The following PTPN4 variants were observed in gnomAD, a reference collection of about 807,000 sequenced individuals.
The protein encoded by PTPN4 is tyrosine-protein phosphatase non-receptor type 4.
Under a neutral mutation model 135.5 loss-of-function variants are expected in PTPN4, and 49 were observed. The observed-to-expected ratio is 0.36, with a 90% CI of 0.29 to 0.46. The LOEUF (loss-of-function observed/expected upper bound fraction) is 0.46, where lower values mean the gene tolerates loss of function less well. Ranked by LOEUF, PTPN4 falls within the 20% of genes least tolerant of loss-of-function variation. The pLI, the probability that PTPN4 is intolerant of heterozygous loss-of-function variation, is 1.00. For missense variants in PTPN4, 860 were observed against 1,101.0 expected (o/e 0.78, Z 3.10); for synonymous variants, 333 against 369.9 (o/e 0.90, Z 1.14).
rs78673499 is a variant in PTPN4, at chr2:119,832,401, C to A, written c.138+22410C>A. On this transcript the variant is annotated intron_variant, in intron 2 of 26. Coordinates refer to ENST00000263708, the MANE Select transcript of PTPN4 (RefSeq NM_002830.4). The stretch of plus-strand genomic sequence containing the variant: ...CATTTTTTTTTGGTGTCTTTATTTG[C>A]ACAGAAAGTTTTCATTTTAATATAG... Among the ~76,000 whole-genome samples, 1,466 of 152,014 alleles carry A rather than the reference C, an allele frequency of 9.6e-3. 17 individuals are homozygous for A. The highest frequency in any genetic ancestry group is 0.048 in the Middle Eastern group (14 of 294).
intron 12 of PTPN4, among the ~76,000 whole-genome samples, chr2:119,923,941 T>C (rs2105031226): frequency 6.6e-6 from 1 of 152,046 alleles, no homozygotes; most frequent in Non-Finnish European, 1.5e-5. Flanking sequence ...ATCGAGACCA[T>C]CTTGGCTAAT....
chr2:119,841,045 T>G (rs570247652), intron 2 of PTPN4, among the ~76,000 whole-genome samples: 1 of 152,100 alleles, frequency 6.6e-6, no homozygotes, highest in Non-Finnish European at 1.5e-5. Flanking sequence ...GATAGGCTTT[T>G]TTCTTTTTTT....
chr2:119,900,927 T>C (rs1678393053), intron 10 of PTPN4, 121 bp downstream of exon 10: 1 of 538,010 alleles, frequency 1.9e-6, no homozygotes, highest in Non-Finnish European at 3.1e-6. Context: ...AGATAAACTT[T>C]ATACTTTATC....
chr2:119,797,147 G>GTC (rs1469231226), intron 1 of PTPN4, among the ~76,000 whole-genome samples: 2 of 152,086 alleles, frequency 1.3e-5, no homozygotes, highest in African/African-American at 4.8e-5. Context: ...CCTCTGGGTT[G>GTC]TCTTTTCATT....
chr2:119,795,092 A>G (rs1215837766), intron 1 of PTPN4, among the ~76,000 whole-genome samples: 1 of 151,672 alleles, frequency 6.6e-6, no homozygotes, highest in Non-Finnish European at 1.5e-5. Flanking sequence ...GGAGACCCTG[A>G]GGTGGGCAGG....
At chr2:119,906,431 CGTGAAAAAGAAACA>C (rs1558760725) in intron 10 of PTPN4, among the ~76,000 whole-genome samples, 48 of 151,670 alleles carry the variant, frequency 3.2e-4, no homozygotes, top group African/African-American at 1.1e-3. Flanking sequence ...TTCAATAATA[CGTGAAAAAGAAACA>C]TTTTTCACGT....
intron 2 of PTPN4, among the ~76,000 whole-genome samples, chr2:119,813,979 TTTAAA>T (rs1676946735): frequency 1.3e-5 from 2 of 152,180 alleles, no homozygotes; most frequent in African/African-American, 2.4e-5. Context: ...GTGTTTATTA[TTTAAA>T]TTATTTACCC....
At chr2:119,902,023 A>T (rs1487584880) in intron 10 of PTPN4, among the ~76,000 whole-genome samples, 2 of 152,246 alleles carry the variant, frequency 1.3e-5, no homozygotes, top group African/African-American at 4.8e-5. Flanking sequence ...CTGAAAAAAT[A>T]GTGGCTGATA....
intron 25 of PTPN4, among the ~76,000 whole-genome samples, chr2:119,967,072 A>G (rs1324672175): frequency 6.6e-6 from 1 of 152,224 alleles, no homozygotes; most frequent in African/African-American, 2.4e-5. Context: ...TTTATATCCC[A>G]AGTCCCTGAT....
At chr2:119,822,845 A>G (rs1409122561) in intron 2 of PTPN4, among the ~76,000 whole-genome samples, 1 of 152,146 alleles carries the variant, frequency 6.6e-6, no homozygotes, top group East Asian at 1.9e-4. Context: ...ACAGTAAGTT[A>G]TTAATTCTTT....
chr2:119,866,876 A>C (rs909995183), intron 3 of PTPN4, among the ~76,000 whole-genome samples: 3 of 152,058 alleles, frequency 2.0e-5, no homozygotes, highest in Non-Finnish European at 4.4e-5. Context: ...TAATATCTTA[A>C]TTCAAGCTCT....
chr2:119,885,467 G>A (rs565360612), intron 8 of PTPN4, among the ~76,000 whole-genome samples: 2 of 152,224 alleles, frequency 1.3e-5, no homozygotes, highest in African/African-American at 4.8e-5. Context: ...TGCAGATATG[G>A]TATATGAACC....
At chr2:119,763,985 C>T (rs1193095125) in intron 1 of PTPN4, among the ~76,000 whole-genome samples, 1 of 152,102 alleles carries the variant, frequency 6.6e-6, no homozygotes. Flanking sequence ...AAGGGGTCGC[C>T]ACTAAGAGAT....
At position 119,979,360 on chromosome 2, in the gene PTPN4, A is replaced by C. The variant is rs1443452813; in HGVS notation, c.*2290A>C. Reference sequence around the variant, plus strand: ...GTTTAATAATTTCTTGGCAATGAGCACTGCTGCCTTTTTAAATCATCAATG... The same window carrying C: ...GTTTAATAATTTCTTGGCAATGAGCCCTGCTGCCTTTTTAAATCATCAATG... On this transcript the variant is annotated 3_prime_UTR_variant, in exon 27 of 27. Transcript: ENST00000263708. The C allele has an allele frequency of 1.3e-5, 2 of 152,156 alleles. No homozygotes were observed. The highest frequency in any genetic ancestry group is 4.8e-5 in the African/African-American group (2 of 41,464). The allele number at this position is 152,156 out of a possible 1,614,324, so 9.4% of individuals were successfully genotyped here.
chr2:119,904,809 A>C (rs1019581627), intron 10 of PTPN4, among the ~76,000 whole-genome samples: 3 of 152,194 alleles, frequency 2.0e-5, no homozygotes, highest in Non-Finnish European at 4.4e-5. Context: ...TCTACCCTTC[A>C]GAAGTGAAGT....
intron 9 of PTPN4, among the ~76,000 whole-genome samples, chr2:119,890,830 C>T (rs1300290880): frequency 2.6e-5 from 4 of 152,062 alleles, no homozygotes; most frequent in Non-Finnish European, 4.4e-5. Flanking sequence ...ATTTCATTTC[C>T]CTTTCATTTA....
At chr2:119,912,754 A>G (rs1678592897) in intron 10 of PTPN4, among the ~76,000 whole-genome samples, 1 of 152,200 alleles carries the variant, frequency 6.6e-6, no homozygotes, top group Non-Finnish European at 1.5e-5. Flanking sequence ...TGCCTATTAA[A>G]GTATACAGTT....
intron 1 of PTPN4, among the ~76,000 whole-genome samples, chr2:119,800,912 T>C (rs1259382691): frequency 1.3e-5 from 2 of 152,178 alleles, no homozygotes; most frequent in Non-Finnish European, 2.9e-5. Context: ...GTGATCTCGG[T>C]GTCTCTACTT....
chr2:119,822,355 T>TCCCC (rs772960066), intron 2 of PTPN4, among the ~76,000 whole-genome samples: 1 of 112,516 alleles, frequency 8.9e-6, no homozygotes, highest in Non-Finnish European at 1.9e-5. Context: ...TAGTATCCCC[T>TCCCC]CCCCCCCCCT....
Sources: allele counts gnomAD v4.1 joint callset (sites outside exome capture counted in the v4.1 genomes callset), GRCh38; gene constraint gnomAD v4.1.1; transcripts MANE v1.5; gene names NCBI Gene and HGNC (gene_info 2026-07-23, HGNC 2026-07-21).